Variants in PTPN13 observed in about 807,000 individuals in gnomAD.
PTPN13 encodes the protein tyrosine-protein phosphatase non-receptor type 13.
In PTPN13, 191 loss-of-function variants were observed where a neutral mutation model predicts 284.0. That is an observed-to-expected ratio of 0.67 (90% CI 0.60 to 0.76). The LOEUF is 0.76. PTPN13 is among the 30% of genes least tolerant of loss of function. The probability of loss-of-function intolerance (pLI) is 0.00; values close to 1 mark genes in which losing one functional copy is unlikely to be tolerated. For missense variants in PTPN13, 2,797 were observed against 2,939.9 expected (o/e 0.95, Z 1.12); for synonymous variants, 986 against 1,022.3 (o/e 0.96, Z 0.68).
At chr4:86,620,595 G>A (rs1448065156) in intron 1 of PTPN13, among the ~76,000 whole-genome samples, 1 of 152,170 alleles carries the variant, frequency 6.6e-6, no homozygotes, top group Non-Finnish European at 1.5e-5. Context: ...ACCTAGAACT[G>A]TACTAGAACA....
At chr4:86,785,460 C>T in intron 39 of PTPN13, 92 bp downstream of exon 39, 1 of 1,095,762 alleles carries the variant, frequency 9.1e-7, no homozygotes, top group Non-Finnish European at 1.3e-6. Context: ...TGCATTAGTT[C>T]TTCTTCTGTT....
chr4:86,776,102 C>T (rs1252379823), intron 35 of PTPN13, among the ~76,000 whole-genome samples: 2 of 152,082 alleles, frequency 1.3e-5, no homozygotes, highest in Admixed American at 6.5e-5. Context: ...CCCGCCACCA[C>T]GCCAGGCTAA....
chr4:86,769,773 T>C lies in PTPN13; in HGVS notation c.4494T>C (p.Asn1498=). 1 of 1,582,190 alleles carries C rather than the reference T, an allele frequency of 6.3e-7. No homozygotes were observed. Among genetic ancestry groups the C allele is most frequent in the Non-Finnish European group, 8.6e-7 (1 of 1,162,512 alleles). ...TTTTTATATCTTTTTCTCCAGAAAA[T>C]ACATTTGAGGTAAAATTATTTAAAA... ...VKDYSFVTEE[N]TFEVKLFKNS... The change falls in exon 29 of 48, where the codon AAT becomes AAC. Residue 1498 remains asparagine, a synonymous_variant. Coordinates refer to ENST00000411767, the MANE Select transcript of PTPN13 (RefSeq NM_080683.3).
intron 17 of PTPN13, among the ~76,000 whole-genome samples, chr4:86,748,935 G>T (rs553503376): frequency 6.6e-6 from 1 of 152,190 alleles, no homozygotes; most frequent in Admixed American, 6.5e-5. Context: ...GATTACAGGC[G>T]TGAGCCACTG....
At chr4:86,811,948 T>C (rs1303281799) in intron 47 of PTPN13, among the ~76,000 whole-genome samples, 1 of 152,254 alleles carries the variant, frequency 6.6e-6, no homozygotes, top group African/African-American at 2.4e-5. Flanking sequence ...AGCAGCACTT[T>C]ACACCTAGAA....
At chr4:86,761,147 T>C (rs1178311658) in intron 23 of PTPN13, among the ~76,000 whole-genome samples, 2 of 143,406 alleles carry the variant, frequency 1.4e-5, no homozygotes, top group South Asian at 4.3e-4. Flanking sequence ...TAAATATATA[T>C]ATATATATAT....
chr4:86,671,699 A>G lies in PTPN13; in HGVS notation c.116-666A>G, dbSNP rs181475809. On this transcript the variant is annotated intron_variant, in intron 2 of 47. Coordinates refer to ENST00000411767, the MANE Select transcript of PTPN13 (RefSeq NM_080683.3). ...TACAAAACAAGCTGCCTGAAATGCT[A>G]GTGAAATAATGAACAAATGTAAATA... Among the ~76,000 whole-genome samples the G allele has an allele frequency of 5.3e-5, 8 of 152,350 alleles. No homozygotes were observed. The East Asian group carries it at 1.5e-3, about 29-fold the overall frequency.
intron 1 of PTPN13, among the ~76,000 whole-genome samples, chr4:86,617,741 G>T (rs1421642002): frequency 6.6e-6 from 1 of 152,176 alleles, no homozygotes; most frequent in Non-Finnish European, 1.5e-5. Context: ...TTTGAGAAGT[G>T]TCTGTTGATA....
intron 40 of PTPN13, among the ~76,000 whole-genome samples, chr4:86,793,965 CA>C (rs1166200887): frequency 6.6e-6 from 1 of 152,090 alleles, no homozygotes; most frequent in East Asian, 1.9e-4. Flanking sequence ...CAAACACATT[CA>C]AAAGCTAGCA....
intron 40 of PTPN13, among the ~76,000 whole-genome samples, chr4:86,796,595 T>C (rs1430068538): frequency 6.6e-6 from 1 of 152,200 alleles, no homozygotes; most frequent in Non-Finnish European, 1.5e-5. Flanking sequence ...GAGTCATGAT[T>C]GTACCACTGG....
intron 2 of PTPN13, among the ~76,000 whole-genome samples, chr4:86,651,285 T>C (rs916500092): frequency 2.0e-5 from 3 of 152,190 alleles, no homozygotes; most frequent in Admixed American, 6.5e-5. Context: ...TAATGAATGA[T>C]CTTTTTATTG....
intron 7 of PTPN13, among the ~76,000 whole-genome samples, chr4:86,708,798 C>T (rs911003441): frequency 2.6e-5 from 4 of 152,074 alleles, no homozygotes; most frequent in Non-Finnish European, 1.5e-5. Context: ...TACCAATGTT[C>T]CATCACCTGA....
chr4:86,698,840 C>CAACTCTCAT (rs1730839138), intron 6 of PTPN13, among the ~76,000 whole-genome samples: 1 of 151,942 alleles, frequency 6.6e-6, no homozygotes, highest in African/African-American at 2.4e-5. Flanking sequence ...ATAGCAGTAG[C>CAACTCTCAT]TAGGGGGAAA....
rs527860533 is a variant in PTPN13 at position 86,704,307 on chromosome 4, A to C, written c.1195+2506A>C. On this transcript the variant is annotated intron_variant, in intron 7 of 47. Coordinates refer to ENST00000411767, the MANE Select transcript of PTPN13 (RefSeq NM_080683.3). ...TAGCAAAGCTTGAGATTTTTTTTTT[A>C]TACTTGAACCTTGGTTTGAGAGTTA... is the stretch of plus-strand genomic sequence containing the variant. 6.7e-4 allele frequency among the ~76,000 whole-genome samples: 102 copies of C among 151,932 alleles called. 1 individual carries two copies. Among genetic ancestry groups the C allele is most frequent in the Non-Finnish European group, 1.3e-3 (87 of 67,912 alleles).
At chr4:86,746,090 G>T (rs1736731921) in intron 17 of PTPN13, among the ~76,000 whole-genome samples, 1 of 152,138 alleles carries the variant, frequency 6.6e-6, no homozygotes, top group South Asian at 2.1e-4. Context: ...CCTGTTCTGA[G>T]ATTGAGATGA....
In PTPN13 at chr4:86,594,807, C is replaced by G. The variant is rs1014911809; in HGVS notation, c.-6+18C>G. ...ACCAGCCGGTAAGGACGAGAGCCGC[C>G]CTGGGCTCTGCGCTGCATGTGCAGA... On this transcript the variant is annotated intron_variant, in intron 1 of 47. Coordinates refer to ENST00000411767, the MANE Select transcript of PTPN13 (RefSeq NM_080683.3). 6 of 152,296 alleles carry G rather than the reference C, an allele frequency of 3.9e-5. No homozygotes were observed. Among genetic ancestry groups the G allele is most frequent in the African/African-American group, 1.4e-4 (6 of 41,464 alleles). The allele number at this position is 152,296 out of a possible 1,614,324, so 9.4% of individuals were successfully genotyped here.
At chr4:86,705,139 T>G (rs1217314469) in intron 7 of PTPN13, among the ~76,000 whole-genome samples, 1 of 151,842 alleles carries the variant, frequency 6.6e-6, no homozygotes. Context: ...ATCAAGACCA[T>G]CCTGGCTAAC....
intron 45 of PTPN13, 99 bp from the exon 46 acceptor site, chr4:86,809,670 A>G: frequency 1.8e-6 from 2 of 1,138,084 alleles, no homozygotes; most frequent in South Asian, 2.9e-5. Flanking sequence ...CAGCCTGGAC[A>G]ACAGAACGAG....
chr4:86,675,531 T>C (rs1728179050), intron 3 of PTPN13, among the ~76,000 whole-genome samples: 1 of 152,186 alleles, frequency 6.6e-6, no homozygotes, highest in Non-Finnish European at 1.5e-5. Flanking sequence ...TTTATAATGC[T>C]CAGTGACCAG....
Sources: allele counts gnomAD v4.1 joint callset (sites outside exome capture counted in the v4.1 genomes callset), GRCh38; gene constraint gnomAD v4.1.1; transcripts MANE v1.5; gene names NCBI Gene and HGNC (gene_info 2026-07-23, HGNC 2026-07-21).